The following STPG4 variants were observed in gnomAD, a reference collection of about 807,000 sequenced individuals.
STPG4 encodes the protein sperm-tail PG-rich repeat containing 4.
STPG4 carries 41 observed loss-of-function variants against 31.5 expected under a neutral mutation model. That is an observed-to-expected ratio of 1.30 (90% confidence interval 1.01 to 1.69). The LOEUF (loss-of-function observed/expected upper bound fraction) is 1.69, where lower values mean the gene tolerates loss of function less well. Among genes scored for constraint, STPG4 ranks in the 40% most tolerant of loss-of-function variants. The pLI is 0.00. For missense variants in STPG4, 375 were observed against 293.4 expected (o/e 1.28, Z -2.03); for synonymous variants, 141 against 103.0 (o/e 1.37, Z -2.24).
At chr2:47,105,179 C>A (rs555071090) in intron 5 of STPG4, among the ~76,000 whole-genome samples, 1 of 152,014 alleles carries the variant, frequency 6.6e-6, no homozygotes, top group South Asian at 2.1e-4. Context: ...ACAGAGAGAG[C>A]CGGGATAGCT....
Position 47,155,221 on chromosome 2 carries a change from T to A in STPG4, c.31A>T (p.Thr11Ser), listed in dbSNP as rs763564032. Residue 11 changes from threonine (T) to serine (S), a missense_variant, in exon 1 of 7, where the codon ACC (threonine) becomes TCC (serine). Transcript: ENST00000445927. MDQPAVATAS[T>S]SIREDLVGGE... ...CCCACCAGGTCTTCCCTTATTGAGG[T>A]GGAAGCGGTGGCGACGGCTGGCTGG... The A allele has an allele frequency of 3.7e-6, 6 of 1,613,956 alleles. No homozygotes were observed. Among genetic ancestry groups the A allele is most frequent in the East Asian group, 2.2e-5 (1 of 44,862 alleles).
intron 5 of STPG4, among the ~76,000 whole-genome samples, chr2:47,095,976 GC>G (rs1180189866): frequency 6.6e-6 from 1 of 152,186 alleles, no homozygotes; most frequent in African/African-American, 2.4e-5. Flanking sequence ...CAGCAGAACA[GC>G]CCATAGGAGG....
intron 6 of STPG4, among the ~76,000 whole-genome samples, chr2:47,089,521 C>G (rs962307225): frequency 6.6e-6 from 1 of 152,206 alleles, no homozygotes; most frequent in African/African-American, 2.4e-5. Context: ...CATTTTCTTA[C>G]AGGCAGAATT....
intron 5 of STPG4, among the ~76,000 whole-genome samples, chr2:47,113,299 T>C (rs950723890): frequency 2.0e-5 from 3 of 151,964 alleles, no homozygotes; most frequent in Non-Finnish European, 2.9e-5. Flanking sequence ...AAAGGAAAAA[T>C]CCCTGAAAAA....
chr2:47,095,508 G>C (rs1685652639), intron 5 of STPG4, among the ~76,000 whole-genome samples: 1 of 152,176 alleles, frequency 6.6e-6, no homozygotes, highest in Non-Finnish European at 1.5e-5. Context: ...CCAGTCTCCA[G>C]AACTGTGAGA....
At chr2:47,091,172 G>GGGGAAGGAAGGAGAGA (rs1165204641) in intron 5 of STPG4, among the ~76,000 whole-genome samples, 11 of 151,166 alleles carry the variant, frequency 7.3e-5, no homozygotes, top group Middle Eastern at 3.4e-3. Context: ...GAGGGAGGGA[G>GGGGAAGGAAGGAGAGA]GGGAAGGAAG....
chr2:47,126,814 C>T (rs922737582), intron 5 of STPG4, among the ~76,000 whole-genome samples: 22 of 152,044 alleles, frequency 1.4e-4, no homozygotes, highest in African/African-American at 3.9e-4. Flanking sequence ...TTTTTTCTTT[C>T]GGCACTTTAA....
At chr2:47,114,497 A>T (rs986524510) in intron 5 of STPG4, among the ~76,000 whole-genome samples, 3 of 152,108 alleles carry the variant, frequency 2.0e-5, no homozygotes, top group Non-Finnish European at 2.9e-5. Flanking sequence ...ACACAGCAAG[A>T]CTCTATCTCA....
chr2:47,146,455 A>G (rs771076582), intron 3 of STPG4, among the ~76,000 whole-genome samples: 1 of 151,914 alleles, frequency 6.6e-6, no homozygotes, highest in Non-Finnish European at 1.5e-5. Flanking sequence ...ATTGGCCGCA[A>G]TGGCTCACTC....
intron 2 of STPG4, 133 bp downstream of exon 2, chr2:47,152,824 G>T: frequency 1.9e-6 from 1 of 533,384 alleles, no homozygotes; most frequent in Non-Finnish European, 3.1e-6. Context: ...TTTTAAGTAT[G>T]ACATGAGGTC....
rs577137366 is a variant in STPG4, at chr2:47,090,065, T to C, written c.624+205A>G. ...TTTGGGCCTGGAGTCACTCTGAACC[T>C]GAAGTTGGTTGAGAACATCCAGGTA... On this transcript the variant is annotated intron_variant, in intron 6 of 6. Transcript: ENST00000445927. 6.6e-5 allele frequency among the ~76,000 whole-genome samples: 10 copies of C among 152,326 alleles called. No individual in the cohort carries two copies. In the East Asian group the frequency reaches 7.7e-4, roughly 12 times the overall value.
chr2:47,100,291 C>T (rs1218503325), intron 5 of STPG4, among the ~76,000 whole-genome samples: 1 of 151,222 alleles, frequency 6.6e-6, no homozygotes, highest in Non-Finnish European at 1.5e-5. Flanking sequence ...TTTGTAAACA[C>T]ACCAATCAGC....
chr2:47,124,139 C>T (rs1686322469), intron 5 of STPG4, among the ~76,000 whole-genome samples: 1 of 152,056 alleles, frequency 6.6e-6, no homozygotes, highest in East Asian at 1.9e-4. Context: ...CATGCCACCA[C>T]AGCTGGCTGA....
intron 5 of STPG4, among the ~76,000 whole-genome samples, chr2:47,102,175 T>G (rs557345939): frequency 1.5e-4 from 20 of 136,504 alleles, no homozygotes; most frequent in African/African-American, 5.1e-4. Flanking sequence ...GGGCAGGGGT[T>G]GTTTCTGCTG....
At chr2:47,101,194 C>G (rs1479567327) in intron 5 of STPG4, among the ~76,000 whole-genome samples, 2 of 151,792 alleles carry the variant, frequency 1.3e-5, no homozygotes, top group Non-Finnish European at 2.9e-5. Flanking sequence ...AGTGCGGACA[C>G]CGGACTAAAA....
chr2:47,131,281 C>A (rs142425460), intron 3 of STPG4, among the ~76,000 whole-genome samples: 7 of 152,104 alleles, frequency 4.6e-5, no homozygotes, highest in African/African-American at 1.7e-4. Context: ...TGCGCACCAC[C>A]ATACCTGGCT....
In STPG4 at chr2:47,115,983, A is replaced by G. The variant is rs111688373; in HGVS notation, c.519+13958T>C. Among the ~76,000 whole-genome samples, 137 of 152,246 alleles carry G rather than the reference A, an allele frequency of 9.0e-4. 1 individual carries two copies. The highest frequency in any genetic ancestry group is 3.1e-3 in the African/African-American group (128 of 41,558). ...GGATTTTCTTACTTGCATGGTAGAA[A>G]CTGTGGGTATGTGGCTAGGATATGT... On this transcript the variant is annotated intron_variant, in intron 5 of 6. Transcript: ENST00000445927.
chr2:47,099,321 C>A (rs1466775625), intron 5 of STPG4, among the ~76,000 whole-genome samples: 1 of 152,180 alleles, frequency 6.6e-6, no homozygotes, highest in African/African-American at 2.4e-5. Flanking sequence ...TGGCAACTGC[C>A]CTGAACCCTC....
rs1283172755 is a variant in STPG4 at position 47,155,241 on chromosome 2, G to A, written c.11C>T (p.Pro4Leu). 1 of 1,614,100 alleles carries A rather than the reference G, an allele frequency of 6.2e-7. No individual in the cohort carries two copies. Among genetic ancestry groups the A allele is most frequent in the Middle Eastern group, 1.6e-4 (1 of 6,062 alleles). Residue 4 changes from proline to leucine, a missense_variant, in exon 1 of 7, where the codon CCA (proline) becomes CTA (leucine). Physicochemically the swap from Pro to Leu is moderately conservative, Grantham distance 98. Coordinates refer to ENST00000445927, the MANE Select transcript of STPG4 (RefSeq NM_001163561.2). ...TGAGGTGGAAGCGGTGGCGACGGCT[G>A]GCTGGTCCATGGTGGCCTCCTCTCT... is the stretch of plus-strand genomic sequence containing the variant. MDQ[P>L]AVATASTSIR...
Sources: gnomAD v4.1 joint callset for allele counts (sites outside exome capture counted in the v4.1 genomes callset) on GRCh38, gnomAD v4.1.1 for gene constraint, MANE v1.5 for transcripts, NCBI Gene and HGNC (gene_info 2026-07-23, HGNC 2026-07-21) for gene names.